PODN: variants seen among roughly 807,000 people sequenced by gnomAD.
PODN encodes podocan, also known as podocan proteoglycan.
PODN carries 40 observed loss-of-function variants against 52.7 expected under a neutral mutation model. The ratio of observed to expected loss-of-function variants is 0.76; its 90% CI spans 0.59 to 0.99. The LOEUF (loss-of-function observed/expected upper bound fraction) is 0.99, where lower values mean the gene tolerates loss of function less well. PODN is among the 50% of genes least tolerant of loss of function. The probability of loss-of-function intolerance (pLI) is 0.00; values close to 1 mark genes in which losing one functional copy is unlikely to be tolerated. For synonymous variants in PODN, 396 were observed against 377.9 expected (o/e 1.05, Z -0.56); for missense variants, 720 against 815.1 (o/e 0.88, Z 1.42).
chr1:53,074,461 G>A (rs1231595183), intron 3 of PODN, 145 bp from the exon 4 acceptor site: 2 of 836,784 alleles, frequency 2.4e-6, no homozygotes, highest in Non-Finnish European at 4.0e-6. Context: ...GGCTGGGCAG[G>A]CCCCCCAACT....
At chr1:53,065,776 C>T (rs1644023727) in intron 1 of PODN, among the ~76,000 whole-genome samples, 1 of 152,214 alleles carries the variant, frequency 6.6e-6, no homozygotes, top group South Asian at 2.1e-4. Context: ...TATCCCCCAC[C>T]TGACAGTCTT....
chr1:53,068,448 C>T (rs1644064483), intron 1 of PODN, among the ~76,000 whole-genome samples: 3 of 152,202 alleles, frequency 2.0e-5, no homozygotes, highest in African/African-American at 4.8e-5. Context: ...ACAGCAGGTC[C>T]TTGCCGCTGT....
At chr1:53,074,461 G>GC in intron 3 of PODN, 145 bp from the exon 4 acceptor site, 2 of 836,782 alleles carry the variant, frequency 2.4e-6, no homozygotes, top group African/African-American at 1.7e-5. Context: ...GGCTGGGCAG[G>GC]CCCCCCAACT....
chr1:53,083,844 G>A (rs1394051881), intron 10 of PODN, among the ~76,000 whole-genome samples: 1 of 152,134 alleles, frequency 6.6e-6, no homozygotes, highest in African/African-American at 2.4e-5. Context: ...TCGGAGGAGA[G>A]AGGAGAGCTG....
chr1:53,079,558 AGGGCTGGAGGT>A (rs1644252852), intron 8 of PODN, among the ~76,000 whole-genome samples: 2 of 152,074 alleles, frequency 1.3e-5, no homozygotes, highest in Non-Finnish European at 2.9e-5. Flanking sequence ...CAGTCTGCAG[AGGGCTGGAGGT>A]GGGGATCTAC....
rs1309893168 is a variant in PODN at position 53,078,499 on chromosome 1, C to A, written c.989C>A (p.Thr330Asn). The A allele has an allele frequency of 6.2e-7, 1 of 1,613,318 alleles. No homozygotes were observed. The highest frequency in any genetic ancestry group is 8.5e-7 in the Non-Finnish European group (1 of 1,180,034). Residue 330 changes from threonine (T) to asparagine (N), a missense_variant, in exon 8 of 11, where the codon ACC becomes AAC. Physicochemically the swap from Thr to Asn is moderately conservative, Grantham distance 65. Coordinates refer to ENST00000312553, the MANE Select transcript of PODN (RefSeq NM_153703.5). ...AIRSVDANVL[T>N]PIRSLEYLLL... ...CGGAGCGTGGACGCGAATGTGCTGA[C>A]CCCCATCCGCAGCCTGGAGTACCTG...
intron 1 of PODN, among the ~76,000 whole-genome samples, chr1:53,065,013 C>A (rs1644010864): frequency 6.6e-6 from 1 of 152,230 alleles, no homozygotes; most frequent in Admixed American, 6.5e-5. Flanking sequence ...TCCCCACACA[C>A]CTCCCACATG....
At position 53,070,150 on chromosome 1, in the gene PODN, A is replaced by G; in HGVS notation, c.295A>G (p.Asn99Asp). The part of the protein sequence containing the change: ...EFPGDLPEHT[N>D]HLSLQNNQLE... Reference sequence around the variant, plus strand: ...CCCGGGGGACCTGCCTGAGCACACCAACCACCTATCTCTGCAGGTGAGGTC... The same window carrying G: ...CCCGGGGGACCTGCCTGAGCACACCGACCACCTATCTCTGCAGGTGAGGTC... The change falls in exon 2 of 11, where the codon AAC becomes GAC. Residue 99 changes from asparagine to aspartate, a missense_variant. Asn to Asp is a conservative substitution (Grantham distance 23). Coordinates refer to ENST00000312553, the MANE Select transcript of PODN (RefSeq NM_153703.5). 6.2e-7 allele frequency: 1 copy of G among 1,609,310 alleles called. No homozygotes were observed. Among genetic ancestry groups the G allele is most frequent in the Non-Finnish European group, 8.5e-7 (1 of 1,179,954 alleles).
At chr1:53,064,271 A>G (rs1216375763) in intron 1 of PODN, among the ~76,000 whole-genome samples, 1 of 152,228 alleles carries the variant, frequency 6.6e-6, no homozygotes, top group Non-Finnish European at 1.5e-5. Context: ...TGAAGGATAA[A>G]GCCAGCCAAG....
chr1:53,066,769 G>A (rs995666403), intron 1 of PODN: 38 of 1,494,274 alleles, frequency 2.5e-5, no homozygotes, highest in African/African-American at 1.4e-4. Context: ...TTTTCAGTAC[G>A]GTGCAGAATG....
rs1197721781 is a variant in PODN at position 53,069,679 on chromosome 1, G to A, written c.-55-122G>A. On this transcript the variant is annotated intron_variant, in intron 1 of 10. Transcript: ENST00000312553. ...AGCCTGGTGGGGGTTGGGCAGGTGC[G>A]GAGGGCAGCAGTCAGTCATCGGCTG... 43 of 1,380,692 alleles carry A rather than the reference G, an allele frequency of 3.1e-5. No homozygotes were observed. In the East Asian group the frequency reaches 7.4e-4, roughly 24 times the overall value. The allele number at this position is 1,380,692 out of a possible 1,614,324, so 85.5% of individuals were successfully genotyped here.
intron 8 of PODN, 43 bp downstream of exon 8, chr1:53,079,065 G>A (rs755358311): frequency 1.4e-6 from 2 of 1,471,874 alleles, no homozygotes; most frequent in African/African-American, 2.8e-5. Flanking sequence ...ATGGAGGGGG[G>A]TACTGGCATG....
chr1:53,070,135 C>T lies in PODN; in HGVS notation c.280C>T (p.Leu94=). The T allele has an allele frequency of 6.2e-7, 1 of 1,610,982 alleles. No homozygotes were observed. Among genetic ancestry groups the T allele is most frequent in the South Asian group, 1.1e-5 (1 of 91,088 alleles). ...TGACCTGCGTGAGTTCCCGGGGGAC[C>T]TGCCTGAGCACACCAACCACCTATC... The part of the protein sequence containing the change: ...GIDLREFPGD[L]PEHTNHLSLQ... The change falls in exon 2 of 11, where the codon CTG becomes TTG. Residue 94 remains leucine, a synonymous_variant. Transcript: ENST00000312553.
intron 1 of PODN, chr1:53,066,703 C>A: frequency 2.0e-6 from 2 of 977,108 alleles, no homozygotes; most frequent in Non-Finnish European, 1.5e-6. Flanking sequence ...AACAGCTGTT[C>A]ACTGGCTGAC....
chr1:53,078,352 C>A lies in PODN; in HGVS notation c.855-13C>A. ...GGCTCTTGCCAACCGTCCTAATTCC[C>A]TCCCTGCCCCAGGAAGCTCTCCAGC... On this transcript the variant is annotated splice_polypyrimidine_tract_variant and intron_variant, in intron 7 of 10. Transcript: ENST00000312553. 6.2e-7 allele frequency: 1 copy of A among 1,603,798 alleles called. No homozygotes were observed. Among genetic ancestry groups the A allele is most frequent in the South Asian group, 1.1e-5 (1 of 90,508 alleles).
In PODN at chr1:53,081,935, C is replaced by T. The variant is rs764454069; in HGVS notation, c.1662-46C>T. ...GGCCAGTCGGGGGAAGGGAGGGTTC[C>T]TTGGGGGTTGGGCTCCTGGCATTGA... On this transcript the variant is annotated intron_variant, in intron 9 of 10. Coordinates refer to ENST00000312553, the MANE Select transcript of PODN (RefSeq NM_153703.5). 3.9e-6 allele frequency: 6 copies of T among 1,551,958 alleles called. No individual in the cohort carries two copies. In the African/African-American group the frequency reaches 5.5e-5, roughly 14 times the overall value.
intron 5 of PODN, among the ~76,000 whole-genome samples, chr1:53,076,892 C>T (rs562358803): frequency 3.3e-5 from 5 of 152,170 alleles, no homozygotes; most frequent in African/African-American, 9.6e-5. Flanking sequence ...GCAAGGACTC[C>T]AGGGCTGAAA....
rs370908533 is a variant in PODN, at chr1:53,077,046, C to T, written c.582-144C>T. The T allele has an allele frequency of 9.0e-6, 9 of 999,742 alleles. No individual in the cohort carries two copies. The African/African-American group carries it at 1.3e-4, about 14-fold the overall frequency. 61.9% of individuals were successfully genotyped at this position (999,742 alleles called of 1,614,324 possible). A position where few individuals can be genotyped will look rare whatever the true frequency, so the allele number is the denominator to read the frequency against. On this transcript the variant is annotated intron_variant, in intron 5 of 10. Transcript: ENST00000312553. ...TCCTTGGTTCTGTCAGCTGTGTAGG[C>T]AACATCTGAGGTGCTTCTAACTCTG...
In PODN at chr1:53,082,125, G is replaced by A. The variant is rs1557659445; in HGVS notation, c.1806G>A (p.Glu602=). The A allele has an allele frequency of 6.2e-7, 1 of 1,605,404 alleles. No homozygotes were observed. Among genetic ancestry groups the A allele is most frequent in the African/African-American group, 1.4e-5 (1 of 73,116 alleles). Residue 602 remains glutamate (E), a synonymous_variant, in exon 10 of 11, where the codon GAG becomes GAA. Transcript: ENST00000312553. The stretch of plus-strand genomic sequence containing the variant: ...GCTTGGGGAAGGAAAAGGAGGAGGA[G>A]GAAGAGGAGGAGGAGGAGGAAGAGG... The part of the protein sequence containing the change: ...RGRLGKEKEE[E]EEEEEEEEET...
Sources: allele counts gnomAD v4.1 joint callset (sites outside exome capture counted in the v4.1 genomes callset), GRCh38; gene constraint gnomAD v4.1.1; transcripts MANE v1.5; gene names NCBI Gene and HGNC (gene_info 2026-07-23, HGNC 2026-07-21).